Variants in HHLA2 observed in about 807,000 individuals in gnomAD.
HHLA2 encodes the protein HHLA2 member of B7 family.
A neutral mutation model predicts 45.9 loss-of-function variants in HHLA2; 48 were observed. The ratio of observed to expected loss-of-function variants is 1.05; its 90% CI spans 0.83 to 1.33. HHLA2 has a LOEUF of 1.33. Ranked by LOEUF, HHLA2 falls within the 40% of genes most tolerant of loss-of-function variation. HHLA2 has a pLI of 0.00. For missense variants in HHLA2, 462 were observed against 494.3 expected (o/e 0.93, Z 0.62); for synonymous variants, 161 against 173.9 (o/e 0.93, Z 0.59).
At chr3:108,317,853 G>A (rs1245870452) in intron 2 of HHLA2, among the ~76,000 whole-genome samples, 1 of 152,046 alleles carries the variant, frequency 6.6e-6, no homozygotes, top group African/African-American at 2.4e-5. Flanking sequence ...AATTACAGGC[G>A]TGAGCCATCG....
In HHLA2 at chr3:108,319,410, C is replaced by T. The variant is rs374964017; in HGVS notation, c.-105+8669C>T. Among the ~76,000 whole-genome samples the T allele has an allele frequency of 2.8e-4, 42 of 152,280 alleles. 1 individual carries two copies. Among genetic ancestry groups the T allele is most frequent in the African/African-American group, 9.4e-4 (39 of 41,556 alleles). Reference sequence around the variant, plus strand: ...GTTAGAACTTTATTATGATCTTAAGCTTCTTCTTGCCTTCTTCAGCTCCTT... The same window carrying T: ...GTTAGAACTTTATTATGATCTTAAGTTTCTTCTTGCCTTCTTCAGCTCCTT... On this transcript the variant is annotated intron_variant, in intron 2 of 10. Coordinates refer to ENST00000619531, the Ensembl canonical transcript of HHLA2.
At chr3:108,374,656 A>G (rs2082240586) in intron 8 of HHLA2, among the ~76,000 whole-genome samples, 1 of 151,286 alleles carries the variant, frequency 6.6e-6, no homozygotes, top group African/African-American at 2.4e-5. Flanking sequence ...AACCCCATCA[A>G]AAAGTGGGCA....
At chr3:108,374,671 A>G (rs2082240958) in intron 8 of HHLA2, among the ~76,000 whole-genome samples, 1 of 150,730 alleles carries the variant, frequency 6.6e-6, no homozygotes, top group Non-Finnish European at 1.5e-5. Flanking sequence ...TGGGCAAAGG[A>G]TATGAACAGA....
At chr3:108,310,719 C>T (rs2081004247) in exon 2 of HHLA2, 1 of 152,490 alleles carries the variant, frequency 6.6e-6, no homozygotes, top group African/African-American at 2.4e-5. Flanking sequence ...GAGAGACCAT[C>T]AAGAATTGGA....
At chr3:108,312,674 G>T (rs901110545) in intron 2 of HHLA2, among the ~76,000 whole-genome samples, 1 of 152,208 alleles carries the variant, frequency 6.6e-6, no homozygotes, top group Non-Finnish European at 1.5e-5. Flanking sequence ...CTGATGCTAT[G>T]AGATAGAGAC....
At chr3:108,350,454 C>A (rs1287303009) in intron 3 of HHLA2, among the ~76,000 whole-genome samples, 1 of 151,928 alleles carries the variant, frequency 6.6e-6, no homozygotes, top group Admixed American at 6.6e-5. Flanking sequence ...ATTAATCTAC[C>A]AGGTTTTATT....
At chr3:108,368,692 T>C (rs1442141462) in intron 8 of HHLA2, among the ~76,000 whole-genome samples, 1 of 151,450 alleles carries the variant, frequency 6.6e-6, no homozygotes, top group Non-Finnish European at 1.5e-5. Flanking sequence ...CTATCCTAAA[T>C]ATATATGCAC....
intron 3 of HHLA2, chr3:108,328,403 G>T (rs2081327315): frequency 9.0e-7 from 1 of 1,108,452 alleles, no homozygotes. Flanking sequence ...CTATTTATTT[G>T]AAAATTACTG....
At position 108,325,624 on chromosome 3, in the gene HHLA2, C is replaced by T. The variant is rs74906560; in HGVS notation, c.-104-2646C>T. On this transcript the variant is annotated intron_variant, in intron 2 of 10. Coordinates refer to ENST00000619531, the Ensembl canonical transcript of HHLA2. Reference sequence around the variant, plus strand: ...GAGTTTCTGCCTCCAAAGTTCCCTCCCTTCGTAGGCCCAAAATTTGAAGAT... The same window carrying T: ...GAGTTTCTGCCTCCAAAGTTCCCTCTCTTCGTAGGCCCAAAATTTGAAGAT... The T allele has an allele frequency of 5.3e-3, 1,270 of 241,094 alleles. 22 individuals are homozygous for T. The highest frequency in any genetic ancestry group is 0.027 in the African/African-American group (1,194 of 43,874). The allele number at this position is 241,094 out of a possible 1,614,324, so 14.9% of individuals were successfully genotyped here.
intron 3 of HHLA2, among the ~76,000 whole-genome samples, chr3:108,328,832 A>G (rs1171497475): frequency 6.6e-6 from 1 of 151,998 alleles, no homozygotes; most frequent in Non-Finnish European, 1.5e-5. Context: ...AAAGATCTCA[A>G]TTTGTGTTCA....
chr3:108,300,436 TA>T (rs1253265684), intron 1 of HHLA2, among the ~76,000 whole-genome samples: 47 of 152,204 alleles, frequency 3.1e-4, no homozygotes, highest in Middle Eastern at 3.4e-3. Context: ...CGAAACCAGT[TA>T]GGGGGTAGAG....
At chr3:108,343,441 C>T (rs939025855) in intron 3 of HHLA2, among the ~76,000 whole-genome samples, 17 of 152,174 alleles carry the variant, frequency 1.1e-4, no homozygotes, top group Admixed American at 9.2e-4. Flanking sequence ...GGTTAGCAAC[C>T]GCTTTAAATT....
At chr3:108,336,150 T>G (rs2081468661) in intron 3 of HHLA2, among the ~76,000 whole-genome samples, 1 of 152,064 alleles carries the variant, frequency 6.6e-6, no homozygotes, top group South Asian at 2.1e-4. Context: ...ATAAAGGCAA[T>G]GGACTAATTA....
chr3:108,341,682 A>G (rs1402679217), intron 3 of HHLA2, among the ~76,000 whole-genome samples: 1 of 152,184 alleles, frequency 6.6e-6, no homozygotes, highest in African/African-American at 2.4e-5. Context: ...TATCTTCATT[A>G]TGCGTTACTT....
chr3:108,307,127 T>TA (rs996073968), intron 1 of HHLA2, among the ~76,000 whole-genome samples: 7 of 152,048 alleles, frequency 4.6e-5, no homozygotes, highest in African/African-American at 1.4e-4. Flanking sequence ...CAGCCCTTTT[T>TA]AAAAAAAATT....
intron 2 of HHLA2, among the ~76,000 whole-genome samples, chr3:108,313,689 AG>A (rs1368614295): frequency 2.6e-5 from 4 of 152,194 alleles, no homozygotes; most frequent in Admixed American, 2.6e-4. Flanking sequence ...TGGACTAAGT[AG>A]GTTGAAGTCC....
In HHLA2 at chr3:108,328,312, G is replaced by A. The variant is rs1233793141; in HGVS notation, c.-62G>A. On this transcript the variant is annotated 5_prime_UTR_variant, in exon 3 of 11. Coordinates refer to ENST00000619531, the Ensembl canonical transcript of HHLA2. ...ACCCTGCACAGATTGTGATGGTGAT[G>A]TGGAATATACTAAAGCCTAGAACGC... 6 of 1,530,622 alleles carry A rather than the reference G, an allele frequency of 3.9e-6. No homozygotes were observed. In the East Asian group the frequency reaches 7.4e-5, roughly 19 times the overall value. The allele number at this position is 1,530,622 out of a possible 1,614,324, so 94.8% of individuals were successfully genotyped here. A position where few individuals can be genotyped will look rare whatever the true frequency, so the allele number is the denominator to read the frequency against.
At chr3:108,310,511 G>C (rs989439368) in intron 1 of HHLA2, 144 bp from the exon 2 acceptor site, 1 of 152,558 alleles carries the variant, frequency 6.6e-6, no homozygotes, top group Non-Finnish European at 1.5e-5. Flanking sequence ...GGATTATCAA[G>C]AGAAATGTTC....
chr3:108,339,255 C>CA (rs1415429958), intron 3 of HHLA2, among the ~76,000 whole-genome samples: 2 of 152,136 alleles, frequency 1.3e-5, no homozygotes, highest in Non-Finnish European at 2.9e-5. Flanking sequence ...GGTCAAGATT[C>CA]ACAAAAAGAT....
Sources: allele counts gnomAD v4.1 joint callset (sites outside exome capture counted in the v4.1 genomes callset), GRCh38; gene constraint gnomAD v4.1.1; transcripts MANE v1.5; gene names NCBI Gene and HGNC (gene_info 2026-07-23, HGNC 2026-07-21).